The following COL4A4 variants were observed in gnomAD, a reference collection of about 807,000 sequenced individuals.
COL4A4 encodes the protein collagen alpha-4(IV) chain.
COL4A4 carries 105 observed loss-of-function variants against 192.9 expected under a neutral mutation model. That is an observed-to-expected ratio of 0.54 (90% CI 0.46 to 0.64). The LOEUF (loss-of-function observed/expected upper bound fraction) is 0.64, where lower values mean the gene tolerates loss of function less well. COL4A4 is among the 30% of genes least tolerant of loss of function. The pLI is 0.00. For synonymous variants in COL4A4, 762 were observed against 769.9 expected (o/e 0.99, Z 0.17); for missense variants, 1,967 against 2,169.3 (o/e 0.91, Z 1.85).
chr2:226,974,430 G>A, the COL4A4 span, among the ~76,000 whole-genome samples: 2 of 151,916 alleles, frequency 1.3e-5, no homozygotes, highest in Non-Finnish European at 2.9e-5. Flanking sequence ...GTAGAGACGG[G>A]GTTTCACCGT....
chr2:227,035,169 T>C (rs1969355975), intron 37 of COL4A4, among the ~76,000 whole-genome samples: 1 of 152,092 alleles, frequency 6.6e-6, no homozygotes, highest in Admixed American at 6.5e-5. Flanking sequence ...CTAGGTCCTA[T>C]GGATGTGTTC....
rs1553633223 is a variant in COL4A4 at position 227,041,838 on chromosome 2, A to AAGAAAGAGAAAGAAAG, written c.3505+309_3505+310insCTTTCTTTCTCTTTCT. ...AAAGAAAGAAAGAAAGAAAGAAAGA[A>AAGAAAGAGAAAGAAAG]AGAAAGAAAGAGAAAGAAAGAAAGA... On this transcript the variant is annotated intron_variant, in intron 37 of 47. Transcript: ENST00000396625. Among the ~76,000 whole-genome samples, 2 of 41,572 alleles carry AAGAAAGAGAAAGAAAG rather than the reference A, an allele frequency of 4.8e-5. 1 individual carries two copies. The highest frequency in any genetic ancestry group is 2.4e-4 in the African/African-American group (2 of 8,252). 27.3% of individuals were successfully genotyped at this position (41,572 alleles called of 152,430 possible).
chr2:227,051,783 G>A (rs1387558477), intron 32 of COL4A4, among the ~76,000 whole-genome samples: 2 of 152,166 alleles, frequency 1.3e-5, no homozygotes, highest in Non-Finnish European at 2.9e-5. Flanking sequence ...GTATAGCTCA[G>A]GTTGATCCCA....
the COL4A4 span, among the ~76,000 whole-genome samples, chr2:226,978,234 T>C: frequency 6.6e-6 from 1 of 152,366 alleles, no homozygotes; most frequent in East Asian, 1.9e-4. Context: ...ATCATCTTTT[T>C]TTTAAAATTC....
chr2:226,989,546 G>T, the COL4A4 span, among the ~76,000 whole-genome samples: 1 of 152,202 alleles, frequency 6.6e-6, no homozygotes, highest in Non-Finnish European at 1.5e-5. Context: ...TAGGGGAGCA[G>T]TAAACAGAGT....
At chr2:227,151,668 C>T (rs2063955874) in intron 1 of COL4A4, among the ~76,000 whole-genome samples, 1 of 152,146 alleles carries the variant, frequency 6.6e-6, no homozygotes, top group Non-Finnish European at 1.5e-5. Context: ...GCAACTTAAC[C>T]CCCAATGTGT....
intron 22 of COL4A4, among the ~76,000 whole-genome samples, chr2:227,088,301 T>C (rs2059710980): frequency 1.3e-5 from 2 of 152,118 alleles, no homozygotes; most frequent in African/African-American, 4.8e-5. Flanking sequence ...ATCGCCATAA[T>C]CCCCATGTGT....
the COL4A4 span, among the ~76,000 whole-genome samples, chr2:226,987,620 G>T: frequency 6.8e-4 from 103 of 152,336 alleles, no homozygotes; most frequent in African/African-American, 2.3e-3. Context: ...ACCTCTGTGT[G>T]GGAGTCAGAG....
chr2:227,076,295 C>G (rs2059021322), intron 25 of COL4A4, among the ~76,000 whole-genome samples: 1 of 152,024 alleles, frequency 6.6e-6, no homozygotes, highest in Non-Finnish European at 1.5e-5. Context: ...AGCAGATATA[C>G]AGGCCAATGG....
intron 42 of COL4A4, 57 bp from the exon 43 acceptor site, chr2:227,025,867 A>G (rs1255366976): frequency 8.4e-6 from 13 of 1,551,454 alleles, no homozygotes; most frequent in Non-Finnish European, 1.2e-5. Context: ...CAGGGTGGAA[A>G]GAGATTTTAA....
intron 19 of COL4A4, 29 bp downstream of exon 19, chr2:227,098,665 A>C: frequency 6.4e-7 from 1 of 1,571,310 alleles, no homozygotes; most frequent in Admixed American, 1.7e-5. Context: ...CTGACCTGTA[A>C]AAGCCAGGGC....
rs59926731 is a variant in COL4A4, at chr2:227,045,894, T to A, written c.3289+1581A>T. ...TATATACATATATATGTATATATAT[T>A]TAGATAGTATATATATGTATGTATA... On this transcript the variant is annotated intron_variant, in intron 35 of 47. Coordinates refer to ENST00000396625, the MANE Select transcript of COL4A4 (RefSeq NM_000092.5). Among the ~76,000 whole-genome samples, 336 of 96,702 alleles carry A rather than the reference T, an allele frequency of 3.5e-3. 25 individuals carry two copies. The highest frequency in any genetic ancestry group is 6.2e-3 in the African/African-American group (171 of 27,762). 63.4% of individuals were successfully genotyped at this position (96,702 alleles called of 152,430 possible). A position where few individuals can be genotyped will look rare whatever the true frequency, so the allele number is the denominator to read the frequency against.
intron 25 of COL4A4, among the ~76,000 whole-genome samples, chr2:227,070,946 C>A (rs1245853275): frequency 1.3e-5 from 2 of 151,954 alleles, no homozygotes; most frequent in East Asian, 3.9e-4. Context: ...CTGATATGCA[C>A]CAAAATAGAA....
intron 19 of COL4A4, among the ~76,000 whole-genome samples, chr2:227,094,949 T>C (rs1411097812): frequency 6.6e-6 from 1 of 152,186 alleles, no homozygotes; most frequent in African/African-American, 2.4e-5. Context: ...AACAGATTAC[T>C]AGCCGTAAAG....
At chr2:227,014,808 C>G (rs1052911077) in intron 44 of COL4A4, among the ~76,000 whole-genome samples, 1 of 151,476 alleles carries the variant, frequency 6.6e-6, no homozygotes, top group Non-Finnish European at 1.5e-5. Context: ...CCTCCCAGTT[C>G]AAGAGATTCT....
intron 4 of COL4A4, among the ~76,000 whole-genome samples, chr2:227,131,672 C>T (rs73993637): frequency 0.016 from 2,402 of 152,328 alleles, 57 homozygotes; most frequent in African/African-American, 0.055. Context: ...GAGCCTGTGA[C>T]TATTGCCTTA....
chr2:226,972,104 G>C, the COL4A4 span, among the ~76,000 whole-genome samples: 1,270 of 152,100 alleles, frequency 8.3e-3, 13 homozygotes, highest in Non-Finnish European at 0.011. Context: ...ACAGGCCTTG[G>C]TGTGTGCTGT....
chr2:227,042,396 G>A, intron 36 of COL4A4, 141 bp from the exon 37 acceptor site: 2 of 634,870 alleles, frequency 3.2e-6, no homozygotes, highest in Non-Finnish European at 5.7e-6. Context: ...TTAACTCTAG[G>A]GAGAAAAATA....
At chr2:227,048,595 T>G (rs1973396046) in intron 34 of COL4A4, among the ~76,000 whole-genome samples, 1 of 152,172 alleles carries the variant, frequency 6.6e-6, no homozygotes, top group Non-Finnish European at 1.5e-5. Flanking sequence ...AAACCATGGA[T>G]TGACTAAGGG....
Sources: allele counts gnomAD v4.1 joint callset (sites outside exome capture counted in the v4.1 genomes callset), GRCh38; gene constraint gnomAD v4.1.1; transcripts MANE v1.5; gene names NCBI Gene and HGNC (gene_info 2026-07-23, HGNC 2026-07-21).